Variants in DNM3 observed in about 807,000 individuals in gnomAD.
DNM3 encodes dynamin-3.
Under a neutral mutation model 101.6 loss-of-function variants are expected in DNM3, and 47 were observed. The ratio of observed to expected loss-of-function variants is 0.46; its 90% confidence interval spans 0.37 to 0.59. The LOEUF is 0.59. DNM3 is among the 20% of genes least tolerant of loss of function. The pLI is 0.00. For missense variants in DNM3, 849 were observed against 1,085.7 expected (o/e 0.78, Z 3.06); for synonymous variants, 385 against 387.9 (o/e 0.99, Z 0.09).
At chr1:172,381,415 C>T (rs2068896795) in intron 18 of DNM3, among the ~76,000 whole-genome samples, 1 of 151,798 alleles carries the variant, frequency 6.6e-6, no homozygotes, top group Admixed American at 6.6e-5. Context: ...GTTAGTTTTA[C>T]ATATCTAGAA....
Position 172,081,865 on chromosome 1 carries a change from A to G in DNM3, c.1456A>G (p.Ile486Val), listed in dbSNP as rs1054206704. 2 of 1,613,286 alleles carry G rather than the reference A, an allele frequency of 1.2e-6. No individual in the cohort carries two copies. The highest frequency in any genetic ancestry group is 1.7e-6 in the Non-Finnish European group (2 of 1,179,554). ...LLLIDIQVSY[I>V]NTNHEDFIGF... ...ATTGATTGACATTCAAGTCTCTTAC[A>G]TCAACACCAACCATGAAGACTTCAT... Residue 486 changes from isoleucine to valine, a missense_variant, in exon 12 of 21, where the codon ATC becomes GTC. This residue lies in a region of DNM3 where 193 missense variants were observed against 238.4 expected (regional missense o/e 0.81). Transcript: ENST00000627582.
intron 15 of DNM3, among the ~76,000 whole-genome samples, chr1:172,265,294 T>G (rs2062816458): frequency 6.6e-6 from 1 of 152,130 alleles, no homozygotes; most frequent in African/African-American, 2.4e-5. Context: ...TAATATAATC[T>G]TTACAAGCCA....
intron 14 of DNM3, among the ~76,000 whole-genome samples, chr1:172,148,211 G>A (rs994798853): frequency 1.3e-5 from 2 of 151,586 alleles, no homozygotes; most frequent in Admixed American, 6.6e-5. Flanking sequence ...GTACTAAGAC[G>A]TTACCTGTAC....
chr1:172,110,035 C>A (rs1042510450), intron 13 of DNM3, among the ~76,000 whole-genome samples: 1 of 152,136 alleles, frequency 6.6e-6, no homozygotes, highest in Non-Finnish European at 1.5e-5. Context: ...AAATTCTGAA[C>A]CTGTTACTCC....
At chr1:172,242,783 G>C (rs181534683) in intron 14 of DNM3, among the ~76,000 whole-genome samples, 1 of 152,102 alleles carries the variant, frequency 6.6e-6, no homozygotes, top group South Asian at 2.1e-4. Context: ...GTCTGATCCC[G>C]CTGCCACAAC....
chr1:171,905,000 G>A (rs2038699263), intron 1 of DNM3, among the ~76,000 whole-genome samples: 1 of 152,172 alleles, frequency 6.6e-6, no homozygotes, highest in Admixed American at 6.5e-5. Context: ...CACCACTCAA[G>A]GGGTGAGAGA....
chr1:172,252,298 TG>T (rs1359963850), intron 14 of DNM3, among the ~76,000 whole-genome samples: 2 of 152,102 alleles, frequency 1.3e-5, no homozygotes, highest in African/African-American at 4.8e-5. Flanking sequence ...AACTTTTTTC[TG>T]ATTAATTTAG....
chr1:172,032,398 GC>G lies in DNM3; in HGVS notation c.590-3del. ...GTGTAATGTTGGGTTTGTTTATGAT[GC>G]AGGTCTGAGAACCATTGGAGTTATC... On this transcript the variant is annotated splice_polypyrimidine_tract_variant and splice_region_variant and intron_variant, in intron 4 of 20. Coordinates refer to ENST00000627582, the MANE Select transcript of DNM3 (RefSeq NM_015569.5). 1 of 1,608,060 alleles carries G rather than the reference GC, an allele frequency of 6.2e-7. No homozygotes were observed. The highest frequency in any genetic ancestry group is 8.5e-7 in the Non-Finnish European group (1 of 1,175,192).
At chr1:171,999,706 T>A (rs369476574) in intron 4 of DNM3, among the ~76,000 whole-genome samples, 3 of 152,114 alleles carry the variant, frequency 2.0e-5, no homozygotes, top group African/African-American at 7.2e-5. Flanking sequence ...TATCTTGAGA[T>A]GAGATAATCC....
At chr1:172,257,691 T>C (rs2062462159) in intron 15 of DNM3, among the ~76,000 whole-genome samples, 1 of 152,100 alleles carries the variant, frequency 6.6e-6, no homozygotes, top group Non-Finnish European at 1.5e-5. Flanking sequence ...ATCACAAGTG[T>C]ATATCATTTA....
downstream of DNM3, among the ~76,000 whole-genome samples, chr1:172,415,096 A>G (rs1573805025): frequency 6.6e-6 from 1 of 152,276 alleles, no homozygotes; most frequent in East Asian, 1.9e-4. Flanking sequence ...CTTAAAAAAG[A>G]AAAAGACCAA....
chr1:172,363,726 C>T (rs1256635256), intron 17 of DNM3, among the ~76,000 whole-genome samples: 1 of 151,838 alleles, frequency 6.6e-6, no homozygotes, highest in Non-Finnish European at 1.5e-5. Context: ...CATCTCATCT[C>T]CTTAGCCTAA....
chr1:171,948,639 C>A (rs1466729640), intron 2 of DNM3, among the ~76,000 whole-genome samples: 1 of 152,150 alleles, frequency 6.6e-6, no homozygotes, highest in Non-Finnish European at 1.5e-5. Context: ...AGGAAAACAA[C>A]TACTATGTGT....
chr1:172,086,285 C>T (rs1558546143), intron 12 of DNM3, among the ~76,000 whole-genome samples: 1 of 152,136 alleles, frequency 6.6e-6, no homozygotes, highest in Non-Finnish European at 1.5e-5. Context: ...GACATTGTTT[C>T]TTCTCCCTTT....
intron 15 of DNM3, among the ~76,000 whole-genome samples, chr1:172,279,306 G>A (rs978236243): frequency 1.3e-5 from 2 of 152,196 alleles, no homozygotes; most frequent in East Asian, 3.9e-4. Context: ...GGTCTCTTAT[G>A]TCTATACATT....
chr1:172,360,550 C>T (rs977596109), intron 17 of DNM3, among the ~76,000 whole-genome samples: 1 of 151,878 alleles, frequency 6.6e-6, no homozygotes, highest in Non-Finnish European at 1.5e-5. Flanking sequence ...TCAAGCTCTC[C>T]CTTTCATTTG....
chr1:172,377,552 T>TTATATATATATATATATA (rs2068666196), intron 17 of DNM3, among the ~76,000 whole-genome samples: 1 of 45,082 alleles, frequency 2.2e-5, no homozygotes, highest in South Asian at 7.7e-4. Context: ...TTGATATATA[T>TTATATATATATATATATA]CATATATATA....
intron 1 of DNM3, among the ~76,000 whole-genome samples, chr1:171,887,437 A>G (rs372438935): frequency 5.3e-5 from 8 of 152,282 alleles, no homozygotes; most frequent in South Asian, 2.1e-4. Flanking sequence ...TCTGTATACT[A>G]TTTAAAAGAT....
At chr1:172,360,223 A>G (rs2067670900) in intron 17 of DNM3, among the ~76,000 whole-genome samples, 1 of 152,020 alleles carries the variant, frequency 6.6e-6, no homozygotes, top group African/African-American at 2.4e-5. Context: ...TACAAAGGTA[A>G]GATGAACCCC....
Sources: allele counts gnomAD v4.1 joint callset (sites outside exome capture counted in the v4.1 genomes callset), GRCh38; gene constraint gnomAD v4.1.1; regional missense constraint gnomAD v4.1.1; transcripts MANE v1.5; gene names NCBI Gene and HGNC (gene_info 2026-07-23, HGNC 2026-07-21).